Variants in STX8 observed in about 807,000 individuals in gnomAD.
STX8 encodes the protein syntaxin 8.
STX8 carries 23 observed loss-of-function variants against 37.5 expected under a neutral mutation model. That is an observed-to-expected ratio of 0.61 (90% CI 0.44 to 0.87). The LOEUF is 0.87. STX8 is among the 40% of genes least tolerant of loss of function. STX8 has a pLI of 0.00. For missense variants in STX8, 313 were observed against 284.7 expected (o/e 1.10, Z -0.71); for synonymous variants, 115 against 99.1 (o/e 1.16, Z -0.95).
chr17:9,423,518 G>A (rs758097157), intron 6 of STX8, among the ~76,000 whole-genome samples: 6 of 152,116 alleles, frequency 3.9e-5, no homozygotes, highest in Non-Finnish European at 5.9e-5. Flanking sequence ...TAGAGATGGC[G>A]TTTCACCATG....
chr17:9,294,481 C>T (rs1334089770), intron 7 of STX8, among the ~76,000 whole-genome samples: 1 of 152,164 alleles, frequency 6.6e-6, no homozygotes, highest in African/African-American at 2.4e-5. Context: ...CATCTGAAGC[C>T]AGGCGTTTCA....
chr17:9,538,400 A>G (rs1055131823), intron 4 of STX8, among the ~76,000 whole-genome samples: 1 of 152,162 alleles, frequency 6.6e-6, no homozygotes, highest in African/African-American at 2.4e-5. Flanking sequence ...TATGGGACAT[A>G]AATCATCCTT....
chr17:9,306,772 C>T (rs1050863101), intron 7 of STX8, among the ~76,000 whole-genome samples: 4 of 151,528 alleles, frequency 2.6e-5, no homozygotes, highest in African/African-American at 9.7e-5. Context: ...CTCAAACAAA[C>T]AAACAAACAA....
chr17:9,574,089 G>A (rs1272826265), intron 1 of STX8, among the ~76,000 whole-genome samples: 4 of 151,920 alleles, frequency 2.6e-5, no homozygotes, highest in Admixed American at 6.6e-5. Flanking sequence ...TAGGCAACAC[G>A]GTAAAACCCT....
intron 6 of STX8, among the ~76,000 whole-genome samples, chr17:9,425,631 T>C (rs1913599024): frequency 6.6e-6 from 1 of 152,202 alleles, no homozygotes; most frequent in Non-Finnish European, 1.5e-5. Flanking sequence ...CAATCCATCA[T>C]GATCAAAATT....
chr17:9,497,696 G>C (rs758450556), intron 5 of STX8, among the ~76,000 whole-genome samples: 33 of 152,180 alleles, frequency 2.2e-4, no homozygotes, highest in Non-Finnish European at 4.4e-4. Flanking sequence ...ACAGTCCCTG[G>C]ATTGAGTACA....
At chr17:9,295,750 C>G (rs992456149) in intron 7 of STX8, among the ~76,000 whole-genome samples, 8 of 151,512 alleles carry the variant, frequency 5.3e-5, no homozygotes, top group African/African-American at 1.2e-4. Flanking sequence ...CCCCCTCCCC[C>G]CCAAAAAAAG....
At chr17:9,280,881 T>C (rs189652131) in intron 7 of STX8, among the ~76,000 whole-genome samples, 1 of 152,272 alleles carries the variant, frequency 6.6e-6, no homozygotes, top group Admixed American at 6.5e-5. Context: ...CAATCTGTCG[T>C]AAGGAAATTG....
chr17:9,349,337 T>TG (rs1910629319), intron 7 of STX8, among the ~76,000 whole-genome samples: 2 of 146,248 alleles, frequency 1.4e-5, no homozygotes, highest in Non-Finnish European at 3.0e-5. Context: ...TTTTTTTTTT[T>TG]GAAACAGAGT....
At chr17:9,279,369 G>C (rs1907799296) in intron 7 of STX8, among the ~76,000 whole-genome samples, 1 of 152,080 alleles carries the variant, frequency 6.6e-6, no homozygotes, top group Admixed American at 6.6e-5. Context: ...TTATAGGCGT[G>C]AGCCACTACA....
intron 7 of STX8, among the ~76,000 whole-genome samples, chr17:9,300,248 T>C (rs1001999759): frequency 2.7e-5 from 4 of 148,012 alleles, no homozygotes; most frequent in African/African-American, 9.9e-5. Context: ...GGAGAATCAC[T>C]TGAACCTGGG....
At chr17:9,484,520 T>G (rs1906494591) in intron 6 of STX8, among the ~76,000 whole-genome samples, 1 of 151,622 alleles carries the variant, frequency 6.6e-6, no homozygotes. Flanking sequence ...AAAAGTTTAA[T>G]GAAAGTATCA....
chr17:9,475,396 A>G (rs1197596196), intron 6 of STX8, among the ~76,000 whole-genome samples: 1 of 152,196 alleles, frequency 6.6e-6, no homozygotes, highest in Non-Finnish European at 1.5e-5. Context: ...GCTTAGAGTC[A>G]ATGGCTATTG....
chr17:9,564,425 G>A (rs1455999659), intron 2 of STX8, among the ~76,000 whole-genome samples: 1 of 152,128 alleles, frequency 6.6e-6, no homozygotes, highest in African/African-American at 2.4e-5. Flanking sequence ...AACTATTCCT[G>A]TTTGCAGACA....
At position 9,337,109 on chromosome 17, in the gene STX8, G is replaced by A. The variant is rs557504707; in HGVS notation, c.643+41443C>T. On this transcript the variant is annotated intron_variant, in intron 7 of 7. Coordinates refer to ENST00000306357, the MANE Select transcript of STX8 (RefSeq NM_004853.3). ...TGGAAAGAAATTTCTAAAACATGTC[G>A]TCCCTACAAACACACATGAAAAACT... is the stretch of plus-strand genomic sequence containing the variant. Among the ~76,000 whole-genome samples, 13 of 152,142 alleles carry A rather than the reference G, an allele frequency of 8.5e-5. No homozygotes were observed. In the South Asian group the frequency reaches 1.7e-3, roughly 19 times the overall value.
At chr17:9,281,423 A>G (rs189528482) in intron 7 of STX8, among the ~76,000 whole-genome samples, 2 of 152,326 alleles carry the variant, frequency 1.3e-5, no homozygotes, top group East Asian at 3.9e-4. Context: ...GGGCTGGAGA[A>G]GATCGTGAGC....
At chr17:9,558,453 G>T (rs572205344) in intron 2 of STX8, among the ~76,000 whole-genome samples, 1 of 152,124 alleles carries the variant, frequency 6.6e-6, no homozygotes, top group Non-Finnish European at 1.5e-5. Flanking sequence ...AGTCTAACCT[G>T]AACTATCCCC....
chr17:9,251,472 T>G (rs1160477140), intron 7 of STX8, among the ~76,000 whole-genome samples: 1 of 152,182 alleles, frequency 6.6e-6, no homozygotes, highest in East Asian at 1.9e-4. Flanking sequence ...GGCGCCCTAC[T>G]ACAAAGTAAG....
intron 7 of STX8, among the ~76,000 whole-genome samples, chr17:9,367,510 T>C (rs1262298086): frequency 1.3e-5 from 2 of 152,120 alleles, no homozygotes; most frequent in Admixed American, 1.3e-4. Flanking sequence ...CTGATTCTGG[T>C]TCCTGGGAGT....
Sources: allele counts gnomAD v4.1 joint callset (sites outside exome capture counted in the v4.1 genomes callset), GRCh38; gene constraint gnomAD v4.1.1; transcripts MANE v1.5; gene names NCBI Gene and HGNC (gene_info 2026-07-23, HGNC 2026-07-21).